The following KCNQ3 variants were observed in gnomAD, a reference collection of about 807,000 sequenced individuals.
KCNQ3 encodes potassium voltage-gated channel subfamily KQT member 3.
In KCNQ3, 30 loss-of-function variants were observed where a neutral mutation model predicts 92.5. That is an observed-to-expected ratio of 0.32 (90% CI 0.24 to 0.44). KCNQ3 has a LOEUF of 0.44. Among genes scored for constraint, KCNQ3 ranks in the 20% least tolerant of loss-of-function variants. The pLI, the probability that KCNQ3 is intolerant of heterozygous loss-of-function variation, is 1.00. For synonymous variants in KCNQ3, 450 were observed against 468.8 expected (o/e 0.96, Z 0.52); for missense variants, 913 against 1,140.3 (o/e 0.80, Z 2.87).
At chr8:132,162,198 C>G (rs191687520) in intron 9 of KCNQ3, among the ~76,000 whole-genome samples, 1 of 152,144 alleles carries the variant, frequency 6.6e-6, no homozygotes, top group African/African-American at 2.4e-5. Context: ...CTAATTAAAC[C>G]GGAAGTGCTG....
At chr8:132,144,191 A>G (rs2469517) in intron 9 of KCNQ3, among the ~76,000 whole-genome samples, 143,701 of 152,326 alleles carry the variant, frequency 0.94, 68,096 homozygotes, top group African/African-American at 0.98. Flanking sequence ...CACAGATGGC[A>G]GTTTAGATGG....
intron 1 of KCNQ3, among the ~76,000 whole-genome samples, chr8:132,297,046 C>A (rs1311692203): frequency 6.6e-6 from 1 of 151,542 alleles, no homozygotes; most frequent in Admixed American, 6.6e-5. Flanking sequence ...TCCTCTCCAG[C>A]ATCTGTTGTT....
At chr8:132,478,944 G>A (rs1822474658) in intron 1 of KCNQ3, among the ~76,000 whole-genome samples, 1 of 145,868 alleles carries the variant, frequency 6.9e-6, no homozygotes, top group South Asian at 2.3e-4. Flanking sequence ...GAATAGAGAG[G>A]AAAATCCACT....
At chr8:132,458,162 T>C (rs1821985084) in intron 1 of KCNQ3, among the ~76,000 whole-genome samples, 1 of 152,186 alleles carries the variant, frequency 6.6e-6, no homozygotes, top group South Asian at 2.1e-4. Context: ...TGGCCCAACA[T>C]GACCTCCCTC....
At chr8:132,217,259 A>T (rs1378921854) in intron 1 of KCNQ3, among the ~76,000 whole-genome samples, 2 of 152,200 alleles carry the variant, frequency 1.3e-5, no homozygotes, top group Non-Finnish European at 2.9e-5. Flanking sequence ...GTCCAGACAG[A>T]TGGCAAAGGA....
At chr8:132,184,144 G>A (rs1826881570) in intron 3 of KCNQ3, 97 bp downstream of exon 3, 4 of 1,509,464 alleles carry the variant, frequency 2.6e-6, no homozygotes, top group South Asian at 2.3e-5. Flanking sequence ...ACAGTGCCGC[G>A]TGATTTCCCA....
At chr8:132,185,440 G>C (rs1826930168) in intron 2 of KCNQ3, among the ~76,000 whole-genome samples, 1 of 152,244 alleles carries the variant, frequency 6.6e-6, no homozygotes, top group Non-Finnish European at 1.5e-5. Flanking sequence ...CCTTGTTAGA[G>C]CCTCCTCTCA....
intron 1 of KCNQ3, among the ~76,000 whole-genome samples, chr8:132,334,303 T>C (rs1194053135): frequency 6.6e-5 from 10 of 151,850 alleles, no homozygotes; most frequent in Admixed American, 6.6e-4. Flanking sequence ...TGAAACCTTG[T>C]CTCTACTAAA....
At chr8:132,279,789 C>A (rs1248353639) in intron 1 of KCNQ3, among the ~76,000 whole-genome samples, 1 of 152,154 alleles carries the variant, frequency 6.6e-6, no homozygotes, top group Non-Finnish European at 1.5e-5. Context: ...GACATCAACA[C>A]ATACTTATGT....
intron 2 of KCNQ3, among the ~76,000 whole-genome samples, 195 bp from the exon 3 acceptor site, chr8:132,184,562 G>T (rs1227514135): frequency 6.6e-6 from 1 of 152,152 alleles, no homozygotes; most frequent in Non-Finnish European, 1.5e-5. Flanking sequence ...CAGTTTGGAG[G>T]CCTCCCATCT....
chr8:132,453,826 G>A (rs566917462), intron 1 of KCNQ3, among the ~76,000 whole-genome samples: 1 of 152,298 alleles, frequency 6.6e-6, no homozygotes, highest in Admixed American at 6.5e-5. Flanking sequence ...ACTAGAAGAC[G>A]AAAGCTTCTC....
intron 1 of KCNQ3, among the ~76,000 whole-genome samples, chr8:132,326,285 C>T (rs2130649068): frequency 6.6e-6 from 1 of 152,266 alleles, no homozygotes; most frequent in Non-Finnish European, 1.5e-5. Context: ...ATTCCTGTGC[C>T]TGGAAGTCAT....
chr8:132,140,288 G>A, intron 10 of KCNQ3, 110 bp from the exon 11 acceptor site: 2 of 715,832 alleles, frequency 2.8e-6, no homozygotes, highest in South Asian at 3.2e-5. Flanking sequence ...AATCCCCAGA[G>A]TCTTTATTTC....
At chr8:132,239,312 G>T (rs1052734394) in intron 1 of KCNQ3, among the ~76,000 whole-genome samples, 2 of 152,188 alleles carry the variant, frequency 1.3e-5, no homozygotes, top group Non-Finnish European at 2.9e-5. Flanking sequence ...CTAAATCCAA[G>T]AAGATGTAAT....
In KCNQ3 at chr8:132,129,874, T is replaced by G; in HGVS notation, c.2007A>C (p.Ala669=). 1 of 1,614,208 alleles carries G rather than the reference T, an allele frequency of 6.2e-7. No individual in the cohort carries two copies. The highest frequency in any genetic ancestry group is 8.5e-7 in the Non-Finnish European group (1 of 1,180,036). Residue 669 remains alanine, a synonymous_variant, in exon 15 of 15, where the codon GCA becomes GCC. Transcript: ENST00000388996. The surrounding 1 kb of genome is among the most constrained non-coding windows in gnomAD (Gnocchi z 5.9). ...PTKGTSSPAE[A]EKKEDNRYSD... ...AATACCTGTTGTCCTCCTTCTTCTC[T>G]GCTTCAGCTGGCGAGGAGGTGCCCT...
chr8:132,227,895 G>A (rs900083729), intron 1 of KCNQ3, among the ~76,000 whole-genome samples: 5 of 152,094 alleles, frequency 3.3e-5, no homozygotes, highest in African/African-American at 1.2e-4. Context: ...CACAGAACCT[G>A]AGTTCTGTGA....
rs186808245 is a variant in KCNQ3 at position 132,356,277 on chromosome 8, C to A, written c.386+123870G>T. 2.0e-5 allele frequency among the ~76,000 whole-genome samples: 3 copies of A among 152,280 alleles called. No individual in the cohort carries two copies. The South Asian group carries it at 6.2e-4, about 32-fold the overall frequency. ...GTGTTCATTCAAAGTCAAGTTTCTA[C>A]AAGAAAAATGTGCTGGGAAGAGAGC... On this transcript the variant is annotated intron_variant, in intron 1 of 14. Coordinates refer to ENST00000388996, the MANE Select transcript of KCNQ3 (RefSeq NM_004519.4).
At chr8:132,256,738 T>C (rs1481138958) in intron 1 of KCNQ3, among the ~76,000 whole-genome samples, 1 of 152,168 alleles carries the variant, frequency 6.6e-6, no homozygotes, top group African/African-American at 2.4e-5. Context: ...AAACCAAGAA[T>C]TCTACATTTA....
At chr8:132,324,676 A>G (rs902034816) in intron 1 of KCNQ3, among the ~76,000 whole-genome samples, 6 of 152,186 alleles carry the variant, frequency 3.9e-5, no homozygotes, top group Admixed American at 3.3e-4. Context: ...TTATTTACAT[A>G]TAATTATCTG....
Sources: gnomAD v4.1 joint callset for allele counts (sites outside exome capture counted in the v4.1 genomes callset) on GRCh38, gnomAD v4.1.1 for gene constraint, Gnocchi (gnomAD v3.1) non-coding constraint, MANE v1.5 for transcripts, NCBI Gene and HGNC (gene_info 2026-07-23, HGNC 2026-07-21) for gene names.